The following NEGR1 variants were observed in gnomAD, a reference collection of about 807,000 sequenced individuals.
NEGR1 encodes IgLON family member 4.
Under a neutral mutation model 40.9 loss-of-function variants are expected in NEGR1, and 10 were observed. That is an observed-to-expected ratio of 0.24 (90% CI 0.15 to 0.42). The LOEUF is 0.42. NEGR1 is among the 10% of genes least tolerant of loss of function. NEGR1 has a pLI of 1.00. For missense variants in NEGR1, 352 were observed against 438.9 expected, an observed-to-expected ratio of 0.80 and a Z score of 1.77; for synonymous variants, 185 against 166.8, an observed-to-expected ratio of 1.11 and a Z score of -0.84.
chr1:71,413,507 T>G (rs930940625), intron 6 of NEGR1, among the ~76,000 whole-genome samples: 8 of 152,202 alleles, frequency 5.3e-5, no homozygotes, highest in Non-Finnish European at 1.0e-4. Flanking sequence ...TTCTTGACTT[T>G]GGGAGGATTT....
intron 6 of NEGR1, among the ~76,000 whole-genome samples, chr1:71,539,761 T>A (rs889453051): frequency 5.3e-5 from 8 of 151,676 alleles, no homozygotes; most frequent in African/African-American, 1.4e-4. Flanking sequence ...CTACTTTGAA[T>A]AAAAAAAATC....
At chr1:71,702,405 G>T (rs1056110069) in intron 3 of NEGR1, among the ~76,000 whole-genome samples, 1 of 151,986 alleles carries the variant, frequency 6.6e-6, no homozygotes, top group Non-Finnish European at 1.5e-5. Flanking sequence ...CTTAAAGGAA[G>T]ATTTCTGAAC....
At chr1:71,635,645 T>C (rs1007060655) in intron 4 of NEGR1, among the ~76,000 whole-genome samples, 1 of 152,094 alleles carries the variant, frequency 6.6e-6, no homozygotes, top group African/African-American at 2.4e-5. Flanking sequence ...TGGTTAATAA[T>C]AGCAGCTGTC....
intron 2 of NEGR1, among the ~76,000 whole-genome samples, chr1:71,916,996 C>T (rs1174255492): frequency 6.6e-6 from 1 of 152,190 alleles, no homozygotes; most frequent in Non-Finnish European, 1.5e-5. Context: ...GCAGAGGTCA[C>T]TGTCACATTT....
chr1:72,175,957 AG>A (rs201936246), intron 1 of NEGR1, among the ~76,000 whole-genome samples: 3,007 of 152,238 alleles, frequency 0.02, 93 homozygotes, highest in African/African-American at 0.068. Context: ...GCATAATGTC[AG>A]GGAAGTGAAG....
chr1:71,479,048 A>T (rs1646838779), intron 6 of NEGR1, among the ~76,000 whole-genome samples: 1 of 152,052 alleles, frequency 6.6e-6, no homozygotes, highest in African/African-American at 2.4e-5. Context: ...ACCACTGCTT[A>T]AAATTTATAC....
chr1:71,909,264 T>C (rs531450104), intron 2 of NEGR1, among the ~76,000 whole-genome samples: 5 of 152,286 alleles, frequency 3.3e-5, no homozygotes, highest in African/African-American at 1.2e-4. Context: ...CCATTTGAAA[T>C]GGCTGGTGGT....
chr1:72,235,990 T>A (rs898620134), intron 1 of NEGR1, among the ~76,000 whole-genome samples: 4 of 152,098 alleles, frequency 2.6e-5, no homozygotes, highest in African/African-American at 9.7e-5. Flanking sequence ...AAATGTATGT[T>A]TATTGCAGCA....
chr1:71,575,102 C>T (rs1648921578), intron 6 of NEGR1, among the ~76,000 whole-genome samples: 1 of 152,162 alleles, frequency 6.6e-6, no homozygotes, highest in Non-Finnish European at 1.5e-5. Context: ...CACTCATAAA[C>T]TCAGTATGGT....
At chr1:71,417,596 T>C (rs1001399438) in intron 6 of NEGR1, among the ~76,000 whole-genome samples, 4 of 152,174 alleles carry the variant, frequency 2.6e-5, no homozygotes, top group Non-Finnish European at 4.4e-5. Flanking sequence ...GTGAGTTCTA[T>C]TTGAATGTGT....
intron 5 of NEGR1, among the ~76,000 whole-genome samples, chr1:71,601,218 G>C (rs748832857): frequency 2.0e-5 from 3 of 152,102 alleles, no homozygotes; most frequent in Non-Finnish European, 4.4e-5. Context: ...TACACAAAAT[G>C]CTCAGCTTCA....
intron 1 of NEGR1, among the ~76,000 whole-genome samples, chr1:72,034,162 A>T (rs1646882869): frequency 6.6e-6 from 1 of 152,136 alleles, no homozygotes; most frequent in Admixed American, 6.5e-5. Flanking sequence ...GTTGCTTTTT[A>T]TATAAAATTA....
intron 6 of NEGR1, among the ~76,000 whole-genome samples, chr1:71,557,922 C>T (rs1347455288): frequency 6.6e-6 from 1 of 151,476 alleles, no homozygotes. Context: ...CAGTGTCTTT[C>T]ATTATCTTGA....
At chr1:71,830,443 T>G (rs1292282405) in intron 2 of NEGR1, among the ~76,000 whole-genome samples, 1 of 151,838 alleles carries the variant, frequency 6.6e-6, no homozygotes, top group African/African-American at 2.4e-5. Flanking sequence ...GTGGCTGTGT[T>G]GAATAAAATT....
At chr1:71,676,695 T>C (rs1477779427) in intron 4 of NEGR1, among the ~76,000 whole-genome samples, 6 of 152,196 alleles carry the variant, frequency 3.9e-5, no homozygotes, top group Non-Finnish European at 8.8e-5. Context: ...CTTACTACTC[T>C]TTTCTTGTCA....
intron 3 of NEGR1, among the ~76,000 whole-genome samples, chr1:71,708,624 T>C (rs1653980890): frequency 6.6e-6 from 1 of 151,786 alleles, no homozygotes; most frequent in Admixed American, 6.6e-5. Flanking sequence ...AGTTCAGGGG[T>C]AAATATACAG....
chr1:72,120,538 T>G (rs1339707417), intron 1 of NEGR1, among the ~76,000 whole-genome samples: 1 of 151,984 alleles, frequency 6.6e-6, no homozygotes, highest in African/African-American at 2.4e-5. Context: ...ACTTTAAGTT[T>G]TAGGGTACAT....
At chr1:71,567,167 CACA>C (rs1648647683) in intron 6 of NEGR1, among the ~76,000 whole-genome samples, 1 of 152,046 alleles carries the variant, frequency 6.6e-6, no homozygotes, top group South Asian at 2.1e-4. Flanking sequence ...AATGCAGACC[CACA>C]ACATTCTTTT....
chr1:72,180,856 C>T (rs2100412263), intron 1 of NEGR1, among the ~76,000 whole-genome samples: 1 of 152,236 alleles, frequency 6.6e-6, no homozygotes, highest in East Asian at 1.9e-4. Flanking sequence ...TTTTCTGTTA[C>T]AGATTCTGAC....
Sources: allele counts gnomAD v4.1 joint callset (sites outside exome capture counted in the v4.1 genomes callset), GRCh38; gene constraint gnomAD v4.1.1; transcripts MANE v1.5; gene names NCBI Gene and HGNC (gene_info 2026-07-23, HGNC 2026-07-21).